Variants in GNPDA1 observed in about 807,000 individuals in gnomAD.
GNPDA1 encodes GNPDA 1.
GNPDA1 carries 24 observed loss-of-function variants against 28.5 expected under a neutral mutation model. The observed-to-expected ratio is 0.84, with a 90% CI of 0.61 to 1.19. GNPDA1 has a LOEUF of 1.19. Among genes scored for constraint, GNPDA1 ranks in the 50% most tolerant of loss-of-function variants. The pLI, the probability that GNPDA1 is intolerant of heterozygous loss-of-function variation, is 0.00. For missense variants in GNPDA1, 264 were observed against 367.3 expected (o/e 0.72, Z 2.30); for synonymous variants, 147 against 139.3 (o/e 1.06, Z -0.39).
chr5:142,011,196 T>A (rs1055703247), intron 2 of GNPDA1, among the ~76,000 whole-genome samples: 4 of 147,218 alleles, frequency 2.7e-5, no homozygotes. Flanking sequence ...TATTTACTAC[T>A]GGCCATTTAC....
At position 142,003,099 on chromosome 5, in the gene GNPDA1, T is replaced by A; in HGVS notation, c.758A>T (p.Lys253Met). Reference protein sequence around the residue: ...ATLELKVKTVKYFKGLMLVHN... With the variant: ...ATLELKVKTVMYFKGLMLVHN... The stretch of plus-strand genomic sequence containing the variant: ...CACACCTCCCTCACCTTTGAAATAC[T>A]TGACAGTCTTCACTTTCAGCTCCAA... The change falls in exon 6 of 7, where the codon AAG (lysine) becomes ATG (methionine). Residue 253 changes from lysine to methionine, a missense_variant. Coordinates refer to ENST00000311337, the MANE Select transcript of GNPDA1 (RefSeq NM_005471.5). This position sits in a 1 kb window ranked among gnomAD's most constrained non-coding sequence, Gnocchi z 4.0. 2.5e-6 allele frequency: 4 copies of A among 1,613,046 alleles called. No individual in the cohort carries two copies. The highest frequency in any genetic ancestry group is 3.4e-6 in the Non-Finnish European group (4 of 1,179,346).
In GNPDA1 at chr5:142,004,981, G is replaced by A; in HGVS notation, c.545C>T (p.Pro182Leu). The A allele has an allele frequency of 1.2e-6, 2 of 1,613,056 alleles. No homozygotes were observed. Among genetic ancestry groups the A allele is most frequent in the Non-Finnish European group, 1.7e-6 (2 of 1,179,164 alleles). Residue 182 changes from proline to leucine, a missense_variant, in exon 5 of 7, where the codon CCC becomes CTC. Pro to Leu is a moderately conservative substitution (Grantham distance 98). Transcript: ENST00000311337. ...RFFDGELTKV[P>L]TMALTVGVGT... is the part of the protein sequence containing the mutation. ...CACCCCCACCGTCAAGGCCATGGTG[G>A]GCACCTTGGTGAGTTCTCCATCGAA... is the stretch of plus-strand genomic sequence containing the variant.
chr5:142,007,685 G>A, intron 3 of GNPDA1, 114 bp downstream of exon 3: 1 of 692,548 alleles, frequency 1.4e-6, no homozygotes. Flanking sequence ...ATTGATAATT[G>A]AGCCTATCAT....
intron 5 of GNPDA1, 103 bp downstream of exon 5, chr5:142,004,829 G>T: frequency 1.4e-6 from 1 of 707,848 alleles, no homozygotes; most frequent in Non-Finnish European, 2.2e-6. Flanking sequence ...TATTTACCAT[G>T]CCTTCATCTT....
At chr5:142,006,057 G>A (rs1755795236) in intron 4 of GNPDA1, 87 bp downstream of exon 4, 1 of 1,112,322 alleles carries the variant, frequency 9.0e-7, no homozygotes, top group African/African-American at 1.5e-5. Flanking sequence ...ACACCCAGAA[G>A]AAGCTGTCTG....
chr5:142,003,355 G>A lies in GNPDA1; in HGVS notation c.595-93C>T, dbSNP rs1755723933. 1 of 835,172 alleles carries A rather than the reference G, an allele frequency of 1.2e-6. No homozygotes were observed. The highest frequency in any genetic ancestry group is 1.9e-6 in the Non-Finnish European group (1 of 523,892). The allele number at this position is 835,172 out of a possible 1,614,324, so 51.7% of individuals were successfully genotyped here. On this transcript the variant is annotated intron_variant, in intron 5 of 6. Transcript: ENST00000311337. This position sits in a 1 kb window ranked among gnomAD's most constrained non-coding sequence, Gnocchi z 4.0. ...GATTGTTTTTCATATCACATTGTAA[G>A]TGGTTACCATGCAACATACTTTTGC...
At position 142,003,051 on chromosome 5, in the gene GNPDA1, G is replaced by A; in HGVS notation, c.769+37C>T. ...ACTCCTTACTCCTAGCACACCCTAAGCTTGACCACCTCCTCCTGGACCCAC... is the reference window on the plus strand; with the variant it reads ...ACTCCTTACTCCTAGCACACCCTAAACTTGACCACCTCCTCCTGGACCCAC... On this transcript the variant is annotated intron_variant, in intron 6 of 6. Transcript: ENST00000311337. This position sits in a 1 kb window ranked among gnomAD's most constrained non-coding sequence, Gnocchi z 4.0. 1 of 1,580,064 alleles carries A rather than the reference G, an allele frequency of 6.3e-7. No homozygotes were observed. Among genetic ancestry groups the A allele is most frequent in the Non-Finnish European group, 8.6e-7 (1 of 1,157,608 alleles).
intron 3 of GNPDA1, among the ~76,000 whole-genome samples, chr5:142,006,639 T>A (rs903278676): frequency 6.6e-6 from 1 of 152,140 alleles, no homozygotes; most frequent in African/African-American, 2.4e-5. Context: ...GGTTAGAGGC[T>A]GGGGACACTC....
rs999622460 is a variant in GNPDA1, at chr5:142,003,561, T to C, written c.595-299A>G. 5.3e-5 allele frequency among the ~76,000 whole-genome samples: 8 copies of C among 152,180 alleles called. No homozygotes were observed. The highest frequency in any genetic ancestry group is 3.3e-4 in the Admixed American group (5 of 15,286). The stretch of plus-strand genomic sequence containing the variant: ...CTCCAGGTATCTTTGATGATGACTA[T>C]GAAGGTGCCCTGTAAACAGACATGC... On this transcript the variant is annotated intron_variant, in intron 5 of 6. Coordinates refer to ENST00000311337, the MANE Select transcript of GNPDA1 (RefSeq NM_005471.5). This position sits in a 1 kb window ranked among gnomAD's most constrained non-coding sequence, Gnocchi z 4.0.
intron 1 of GNPDA1, 84 bp from the exon 2 acceptor site, chr5:142,012,125 T>C (rs1267321474): frequency 2.9e-6 from 4 of 1,367,206 alleles, no homozygotes; most frequent in African/African-American, 2.9e-5. Flanking sequence ...GAAGCTTCTC[T>C]TACCCAGCAA....
intron 3 of GNPDA1, among the ~76,000 whole-genome samples, chr5:142,007,511 C>A (rs2127093657): frequency 6.6e-6 from 1 of 152,286 alleles, no homozygotes. Context: ...AGTTGAGGAG[C>A]AGGCAGAGGA....
chr5:142,007,696 C>T (rs761057087), intron 3 of GNPDA1, 103 bp downstream of exon 3: 4 of 721,074 alleles, frequency 5.5e-6, no homozygotes, highest in African/African-American at 1.8e-5. Flanking sequence ...AGCCTATCAT[C>T]AAATGTCACT....
chr5:142,008,896 C>T (rs1045305900), intron 2 of GNPDA1, among the ~76,000 whole-genome samples: 3 of 152,066 alleles, frequency 2.0e-5, no homozygotes, highest in African/African-American at 7.2e-5. Context: ...ATTGTGAACA[C>T]AGTTTGCATA....
At position 142,006,252 on chromosome 5, in the gene GNPDA1, G is replaced by T; in HGVS notation, c.301C>A (p.Pro101Thr). The T allele has an allele frequency of 1.2e-6, 2 of 1,613,986 alleles. No individual in the cohort carries two copies. The highest frequency in any genetic ancestry group is 1.7e-6 in the Non-Finnish European group (2 of 1,179,874). The change falls in exon 4 of 7, where the codon CCA becomes ACA. Residue 101 changes from proline to threonine, a missense_variant. By Grantham distance (38) the Pro-to-Thr change is conservative. Coordinates refer to ENST00000311337, the MANE Select transcript of GNPDA1 (RefSeq NM_005471.5). ...NNFFKHIDIH[P>T]ENTHILDGNA... ...CCATCCAGAATGTGGGTGTTTTCTG[G>T]GTGGATGTCAATGTGCTTGAAGAAG...
rs1354190738 is a variant in GNPDA1 at position 142,004,571 on chromosome 5, C to T, written c.594+361G>A. 3.3e-5 allele frequency among the ~76,000 whole-genome samples: 5 copies of T among 152,354 alleles called. No individual in the cohort carries two copies. In the South Asian group the frequency reaches 6.2e-4, roughly 19 times the overall value. ...TCCCAACAGTGACCTCTACCAACTA[C>T]AAGGAACAAGGGAACCCCTCTCTCC... On this transcript the variant is annotated intron_variant, in intron 5 of 6. Coordinates refer to ENST00000311337, the MANE Select transcript of GNPDA1 (RefSeq NM_005471.5).
intron 1 of GNPDA1, 186 bp from the exon 2 acceptor site, chr5:142,012,227 A>C: frequency 2.1e-6 from 1 of 485,732 alleles, no homozygotes; most frequent in Non-Finnish European, 3.6e-6. Flanking sequence ...CACCACCCAC[A>C]GACCACGAGG....
Position 142,001,986 on chromosome 5 carries a change from C to G in GNPDA1, c.*43G>C, listed in dbSNP as rs777854497. ...TTCTAAAGACAATTTCCAGAAAGAC[C>G]TGCCTTTCCCTATGGGTACTTGACA... On this transcript the variant is annotated 3_prime_UTR_variant, in exon 7 of 7. Transcript: ENST00000311337. The G allele has an allele frequency of 1.0e-6, 1 of 965,128 alleles. No individual in the cohort carries two copies. The allele number at this position is 965,128 out of a possible 1,614,324, so 59.8% of individuals were successfully genotyped here.
Position 142,011,898 on chromosome 5 carries a change from A to T in GNPDA1, c.124+14T>A, listed in dbSNP as rs748735093. On this transcript the variant is annotated intron_variant, in intron 2 of 6. Coordinates refer to ENST00000311337, the MANE Select transcript of GNPDA1 (RefSeq NM_005471.5). ...CACCCTTATCCACGGCACCCTCTCCATCCAAGAACGCACCAGTGGGGAGCC... is the reference window on the plus strand; with the variant it reads ...CACCCTTATCCACGGCACCCTCTCCTTCCAAGAACGCACCAGTGGGGAGCC... 6.2e-7 allele frequency: 1 copy of T among 1,613,790 alleles called. No homozygotes were observed. Among genetic ancestry groups the T allele is most frequent in the South Asian group, 1.1e-5 (1 of 91,080 alleles).
In GNPDA1 at chr5:142,001,924, G is replaced by C. The variant is rs1755686704; in HGVS notation, c.*105C>G. ...AACAATAAGTTCACCCACTTATCTG[G>C]AGTAACCATACTAGATTAAAGAAAT... On this transcript the variant is annotated 3_prime_UTR_variant, in exon 7 of 7. Coordinates refer to ENST00000311337, the MANE Select transcript of GNPDA1 (RefSeq NM_005471.5). The C allele has an allele frequency of 5.3e-6, 3 of 567,122 alleles. No homozygotes were observed. Among genetic ancestry groups the C allele is most frequent in the South Asian group, 6.2e-5 (2 of 32,214 alleles). The allele number at this position is 567,122 out of a possible 1,614,324, so 35.1% of individuals were successfully genotyped here.
Sources: allele counts gnomAD v4.1 joint callset (sites outside exome capture counted in the v4.1 genomes callset), GRCh38; gene constraint gnomAD v4.1.1; non-coding constraint Gnocchi (gnomAD v3.1); transcripts MANE v1.5; gene names NCBI Gene and HGNC (gene_info 2026-07-23, HGNC 2026-07-21).